ANKRD24: variants seen among roughly 807,000 people sequenced by gnomAD.
ANKRD24 encodes ankyrin repeat domain 24.
A neutral mutation model predicts 127.8 loss-of-function variants in ANKRD24; 109 were observed. That is an observed-to-expected ratio of 0.85 (90% CI 0.73 to 1.00). ANKRD24 has a LOEUF of 1.00. Among genes scored for constraint, ANKRD24 ranks in the 50% least tolerant of loss-of-function variants. The probability of loss-of-function intolerance (pLI) is 0.00; values close to 1 mark genes in which losing one functional copy is unlikely to be tolerated. For synonymous variants in ANKRD24, 743 were observed against 671.1 expected (o/e 1.11, Z -1.66); for missense variants, 1,648 against 1,570.2 (o/e 1.05, Z -0.84).
chr19:4,198,134 C>A lies in ANKRD24; in HGVS notation c.37-1549C>A. On this transcript the variant is annotated intron_variant, in intron 2 of 21. Transcript: ENST00000318934. The surrounding 1 kb of genome is among the most constrained non-coding windows in gnomAD (Gnocchi z 6.1). ...GTGGAGATGGACGCCCGCGGGTCCC[C>A]TGGAGATGCAGCCGGCGGCCTGCGC... The A allele has an allele frequency of 1.9e-6, 1 of 517,372 alleles. No individual in the cohort carries two copies. The highest frequency in any genetic ancestry group is 3.4e-6 in the Non-Finnish European group (1 of 294,716). The allele number at this position is 517,372 out of a possible 1,614,324, so 32.0% of individuals were successfully genotyped here.
At chr19:4,196,337 T>TTTGTTGTTG (rs112815640) in intron 2 of ANKRD24, among the ~76,000 whole-genome samples, 131 of 151,192 alleles carry the variant, frequency 8.7e-4, no homozygotes, top group South Asian at 3.8e-3. Context: ...AGACCTCGGT[T>TTTGTTGTTG]TTGTTGTTGT....
chr19:4,187,138 C>T (rs1028755997), intron 2 of ANKRD24, among the ~76,000 whole-genome samples: 9 of 151,504 alleles, frequency 5.9e-5, no homozygotes, highest in Non-Finnish European at 1.2e-4. Context: ...GAGGGCTGGG[C>T]GTGGTGGCTC....
At position 4,217,298 on chromosome 19, in the gene ANKRD24, G is replaced by C. The variant is rs1174610871; in HGVS notation, c.2138G>C (p.Gly713Ala). The change falls in exon 18 of 22, where the codon GGT (glycine) becomes GCT (alanine). Residue 713 changes from glycine (G) to alanine (A), a missense_variant. By Grantham distance (60) the Gly-to-Ala change is moderately conservative (BLOSUM62 0). Transcript: ENST00000318934. Reference sequence around the variant, plus strand: ...TCTGCTGGCCCCATCCTACATCCTGGTGCCGCAGAGGCCTCGGAAAAGCTT... The same window carrying C: ...TCTGCTGGCCCCATCCTACATCCTGCTGCCGCAGAGGCCTCGGAAAAGCTT... Reference protein sequence around the residue: ...GISAGPILHPGAAEASEKLQV... With the variant: ...GISAGPILHPAAAEASEKLQV... 3 of 1,554,852 alleles carry C rather than the reference G, an allele frequency of 1.9e-6. No homozygotes were observed. Among genetic ancestry groups the C allele is most frequent in the Non-Finnish European group, 2.6e-6 (3 of 1,149,080 alleles).
intron 2 of ANKRD24, among the ~76,000 whole-genome samples, chr19:4,196,232 G>T (rs971842616): frequency 2.6e-5 from 4 of 152,206 alleles, no homozygotes; most frequent in Admixed American, 2.6e-4. Context: ...AAAGCGATTA[G>T]CTCAAGGTCA....
chr19:4,207,683 C>T, intron 9 of ANKRD24, 76 bp downstream of exon 9: 3 of 1,596,562 alleles, frequency 1.9e-6, no homozygotes, highest in South Asian at 1.1e-5. Context: ...GTAAGACGAT[C>T]TAGCCAGCCT....
intron 11 of ANKRD24, 129 bp downstream of exon 11, chr19:4,208,930 T>C: frequency 1.0e-6 from 1 of 991,984 alleles, no homozygotes; most frequent in South Asian, 1.6e-5. Context: ...AATGCTACCT[T>C]CAGGGTATGC....
Position 4,224,408 on chromosome 19 carries a change from C to T in ANKRD24, c.3364-20C>T, listed in dbSNP as rs766351514. On this transcript the variant is annotated intron_variant, in intron 21 of 21. Transcript: ENST00000318934. ...CATGGAGGGTATACTCAGGGTCTTC[C>T]TCTACTCCCCCAACCCTAGGGCCAG... The T allele has an allele frequency of 6.2e-7, 1 of 1,611,506 alleles. No homozygotes were observed. Among genetic ancestry groups the T allele is most frequent in the East Asian group, 2.2e-5 (1 of 44,770 alleles).
chr19:4,204,964 G>C (rs968307256), intron 7 of ANKRD24, among the ~76,000 whole-genome samples: 1 of 152,024 alleles, frequency 6.6e-6, no homozygotes, highest in African/African-American at 2.4e-5. Flanking sequence ...AAGGCCGGGT[G>C]CAGTGGCTCA....
chr19:4,220,737 A>T (rs1316103989), intron 19 of ANKRD24, among the ~76,000 whole-genome samples: 4 of 151,126 alleles, frequency 2.6e-5, no homozygotes, highest in Non-Finnish European at 5.9e-5. Flanking sequence ...TTGTATTTTT[A>T]GCAGAGATGG....
At chr19:4,208,032 TTTATCGTGAATAG>T in intron 10 of ANKRD24, 64 bp downstream of exon 10, 1 of 1,395,816 alleles carries the variant, frequency 7.2e-7, no homozygotes, top group Non-Finnish European at 9.4e-7. Flanking sequence ...TCCCCTTCTC[TTTATCGTGAATAG>T]TTTCAAGGTA....
At chr19:4,202,277 G>A (rs112853120) in intron 6 of ANKRD24, among the ~76,000 whole-genome samples, 187 bp downstream of exon 6, 190 of 152,102 alleles carry the variant, frequency 1.2e-3, no homozygotes, top group African/African-American at 4.5e-3. Flanking sequence ...TATTTAAGAT[G>A]TACTCCCAAG....
chr19:4,196,401 A>G (rs1968741794), intron 2 of ANKRD24, among the ~76,000 whole-genome samples: 1 of 151,926 alleles, frequency 6.6e-6, no homozygotes, highest in African/African-American at 2.4e-5. Flanking sequence ...TTTGCAGTGG[A>G]GTCTCGCTCT....
In ANKRD24 at chr19:4,198,067, G is replaced by T; in HGVS notation, c.37-1616G>T. 1 of 418,442 alleles carries T rather than the reference G, an allele frequency of 2.4e-6. No homozygotes were observed. The highest frequency in any genetic ancestry group is 6.2e-5 in the South Asian group (1 of 16,014). 25.9% of individuals were successfully genotyped at this position (418,442 alleles called of 1,614,324 possible). Reference sequence around the variant, plus strand: ...GGAGGTGCGAGGCTGCGGACGTCGCGGGCCCGGAGGCACCTGCGCGCCCTT... The same window carrying T: ...GGAGGTGCGAGGCTGCGGACGTCGCTGGCCCGGAGGCACCTGCGCGCCCTT... On this transcript the variant is annotated intron_variant, in intron 2 of 21. Coordinates refer to ENST00000318934, the MANE Select transcript of ANKRD24 (RefSeq NM_001393985.1). The surrounding 1 kb of genome is among the most constrained non-coding windows in gnomAD (Gnocchi z 6.1).
intron 7 of ANKRD24, among the ~76,000 whole-genome samples, chr19:4,206,144 A>AAAATAAAT (rs145877935): frequency 9.6e-4 from 137 of 142,016 alleles, no homozygotes; most frequent in African/African-American, 2.8e-3. Flanking sequence ...CTCCGTCTCA[A>AAAATAAAT]AAATAAATAA....
chr19:4,218,037 G>A lies in ANKRD24; in HGVS notation c.2877G>A (p.Val959=), dbSNP rs1260125398. The part of the protein sequence containing the change: ...RLRAELERER[V]CSVALSEHER... ...GCGCGGAGCTGGAGCGGGAGCGTGT[G>A]TGCAGCGTGGCGCTCTCGGAGCACG... Residue 959 remains valine, a synonymous_variant, in exon 18 of 22, where the codon GTG becomes GTA. Coordinates refer to ENST00000318934, the MANE Select transcript of ANKRD24 (RefSeq NM_001393985.1). 1.3e-6 allele frequency: 2 copies of A among 1,560,128 alleles called. No homozygotes were observed. Among genetic ancestry groups the A allele is most frequent in the South Asian group, 1.2e-5 (1 of 84,740 alleles).
chr19:4,224,402 G>A, intron 21 of ANKRD24, 26 bp from the exon 22 acceptor site: 1 of 1,609,730 alleles, frequency 6.2e-7, no homozygotes, highest in Non-Finnish European at 8.5e-7. Context: ...TATACTCAGG[G>A]TCTTCCTCTA....
Position 4,216,382 on chromosome 19 carries a change from G to C in ANKRD24, c.1369G>C (p.Glu457Gln), listed in dbSNP as rs1282448665. The C allele has an allele frequency of 6.4e-7, 1 of 1,572,062 alleles. No individual in the cohort carries two copies. The change falls in exon 17 of 22, where the codon GAA (glutamate) becomes CAA (glutamine). Residue 457 changes from glutamate to glutamine, a missense_variant. Coordinates refer to ENST00000318934, the MANE Select transcript of ANKRD24 (RefSeq NM_001393985.1). ...QVAVLTRQNQ[E>Q]LMEKVQILEN... Reference sequence around the variant, plus strand: ...GGCTGTGCTCACCAGACAGAACCAGGAACTGATGGAGAAGGTCCAGGTAGG... The same window carrying C: ...GGCTGTGCTCACCAGACAGAACCAGCAACTGATGGAGAAGGTCCAGGTAGG...
intron 7 of ANKRD24, 134 bp from the exon 8 acceptor site, chr19:4,207,104 GTAGA>G: frequency 4.9e-6 from 1 of 203,460 alleles, no homozygotes; most frequent in South Asian, 1.1e-4. Context: ...TTTTTTTTTT[GTAGA>G]GACAGGGTCT....
intron 10 of ANKRD24, 133 bp downstream of exon 10, chr19:4,208,101 C>A: frequency 1.0e-6 from 1 of 963,334 alleles, no homozygotes; most frequent in Non-Finnish European, 1.4e-6. Context: ...TTACCCAATT[C>A]TACTCAGAAC....
Sources: gnomAD v4.1 joint callset for allele counts (sites outside exome capture counted in the v4.1 genomes callset) on GRCh38, gnomAD v4.1.1 for gene constraint, Gnocchi (gnomAD v3.1) non-coding constraint, MANE v1.5 for transcripts, NCBI Gene and HGNC (gene_info 2026-07-23, HGNC 2026-07-21) for gene names.